The following TAF1 variants were observed in gnomAD, a reference collection of about 807,000 sequenced individuals.
The protein encoded by TAF1 is TATA-box binding protein associated factor 1.
Under a neutral mutation model 138.5 loss-of-function variants are expected in TAF1, and 2 were observed. The observed-to-expected ratio is 0.01, with a 90% CI of 0.01 to 0.05. TAF1 has a LOEUF of 0.05. Among genes scored for constraint, TAF1 ranks in the 10% least tolerant of loss-of-function variants. TAF1 has a pLI of 1.00. For synonymous variants in TAF1, 437 were observed against 503.2 expected (o/e 0.87, Z 1.76); for missense variants, 709 against 1,478.0 (o/e 0.48, Z 8.53).
At chrX:71,525,913 C>T (rs1462645781) in intron 13 of TAF1, among the ~76,000 whole-genome samples, 2 of 108,948 alleles carry the variant, frequency 1.8e-5, no homozygotes, top group Non-Finnish European at 3.8e-5. Context: ...GATCCTCCCA[C>T]TTTGGCCTCC....
At chrX:71,491,210 G>A (rs1008825290) in intron 13 of TAF1, 3 of 110,587 alleles carry the variant, frequency 2.7e-5, no homozygotes, top group Non-Finnish European at 5.7e-5. Context: ...AAGAAGCCTG[G>A]AGCAGGCTGT....
intron 28 of TAF1, chrX:71,420,249 C>T (rs1206591215): frequency 4.6e-5 from 41 of 891,134 alleles, no homozygotes; most frequent in Non-Finnish European, 6.7e-5. Context: ...GATTCCTGGT[C>T]TGTTGGTTCA....
chrX:71,508,419 G>A (rs2039670402), intron 13 of TAF1, among the ~76,000 whole-genome samples: 1 of 107,185 alleles, frequency 9.3e-6, no homozygotes, highest in Non-Finnish European at 1.9e-5. Flanking sequence ...ACAAGACCCT[G>A]TCTCTACAAA....
intron 32 of TAF1, among the ~76,000 whole-genome samples, chrX:71,428,583 C>A (rs1236359976): frequency 9.0e-6 from 1 of 111,646 alleles, no homozygotes; most frequent in Non-Finnish European, 1.9e-5. Flanking sequence ...AAGTACTTAC[C>A]ATGTGGTAAG....
chrX:71,400,401 A>G (rs2058213911), intron 24 of TAF1, among the ~76,000 whole-genome samples: 1 of 112,285 alleles, frequency 8.9e-6, no homozygotes, highest in African/African-American at 3.2e-5. Context: ...CAAGTTTGGT[A>G]GGTTTTTTAA....
intron 25 of TAF1, 53 bp from the exon 26 acceptor site, chrX:71,406,585 C>T (rs2035484060): frequency 1.8e-6 from 2 of 1,103,615 alleles, no homozygotes; most frequent in South Asian, 4.1e-5. Context: ...GCTTTTTTTC[C>T]CCCTGGGAAC....
Position 71,458,476 on chromosome X carries a change from C to G in TAF1, c.5064+110C>G, listed in dbSNP as rs941070965. The G allele has an allele frequency of 4.9e-6, 5 of 1,024,593 alleles. No homozygotes were observed. The South Asian group carries it at 1.0e-4, about 21-fold the overall frequency. 84.4% of individuals were successfully genotyped at this position (1,024,593 alleles called of 1,213,427 possible). Reference sequence around the variant, plus strand: ...GACATATGTCAAGAATGACTGGGCCCTTTGGCCCTGGGAATGAAAGCTTAG... The same window carrying G: ...GACATATGTCAAGAATGACTGGGCCGTTTGGCCCTGGGAATGAAAGCTTAG... On this transcript the variant is annotated intron_variant, in intron 35 of 37. Transcript: ENST00000423759.
intron 13 of TAF1, among the ~76,000 whole-genome samples, chrX:71,519,635 T>C (rs1022352928): frequency 2.8e-5 from 3 of 107,101 alleles, no homozygotes; most frequent in Non-Finnish European, 3.8e-5. Context: ...AGAGCGAGAC[T>C]CCATCTCAAA....
chrX:71,517,761 T>C (rs1310065769), intron 13 of TAF1, among the ~76,000 whole-genome samples: 1 of 112,051 alleles, frequency 8.9e-6, no homozygotes, highest in Non-Finnish European at 1.9e-5. Flanking sequence ...AATGTGTGTG[T>C]ATGTGTAGGG....
chrX:71,481,050 G>A (rs181344197), intron 13 of TAF1, among the ~76,000 whole-genome samples: 88 of 112,285 alleles, frequency 7.8e-4, no homozygotes, highest in African/African-American at 2.6e-3. Flanking sequence ...AGGCCGAGGC[G>A]GGCGGATCAC....
intron 1 of TAF1, among the ~76,000 whole-genome samples, chrX:71,367,053 C>T (rs954361215): frequency 4.5e-5 from 5 of 112,119 alleles, no homozygotes; most frequent in Non-Finnish European, 9.4e-5. Flanking sequence ...TGAAACTACC[C>T]TGCCTTCACT....
intron 14 of TAF1, among the ~76,000 whole-genome samples, chrX:71,385,833 C>T (rs936536307): frequency 1.8e-5 from 2 of 111,975 alleles, no homozygotes; most frequent in Non-Finnish European, 3.8e-5. Flanking sequence ...CCAATTCAGC[C>T]TCTTCTTTTG....
Position 71,377,605 on chromosome X carries a change from G to T in TAF1, c.717G>T (p.Val239=). The change falls in exon 6 of 38, where the codon GTG becomes GTT. Residue 239 remains valine (V), a splice_region_variant and synonymous_variant. Transcript: ENST00000423759. ...TAGTAATGTATTCTGTGTTCTAGGT[G>T]TTACGTTTTCTACGTCTTTTTGGAC... ...ELFPEFRPGK[V]LRFLRLFGPG... is the part of the protein sequence containing the mutation. 8.3e-7 allele frequency: 1 copy of T among 1,210,805 alleles called. No individual in the cohort carries two copies. Among genetic ancestry groups the T allele is most frequent in the Non-Finnish European group, 1.1e-6 (1 of 895,206 alleles).
chrX:71,398,164 C>T (rs767541289), intron 23 of TAF1, among the ~76,000 whole-genome samples: 208 of 110,311 alleles, frequency 1.9e-3, no homozygotes, highest in African/African-American at 6.2e-3. Flanking sequence ...ATGGTGAAAC[C>T]CTGTCTCTAC....
rs201605104 is a variant in TAF1 at position 71,377,785 on chromosome X, A to C, written c.897A>C (p.Pro299=). 5.0e-6 allele frequency: 6 copies of C among 1,209,093 alleles called. No homozygotes were observed. The East Asian group carries it at 8.9e-5, about 18-fold the overall frequency. Residue 299 remains proline (P), a synonymous_variant, in exon 6 of 38, where the codon CCA becomes CCC. Coordinates refer to ENST00000423759, the MANE Select transcript of TAF1 (RefSeq NM_004606.5). Reference sequence around the variant, plus strand: ...CTTTGTGGAACTACGACTACGCTCCACCACCACCTCCAGAGCAGTGTCTCT... The same window carrying C: ...CTTTGTGGAACTACGACTACGCTCCCCCACCACCTCCAGAGCAGTGTCTCT... ...QKSLWNYDYA[P]PPPPEQCLSD...
At chrX:71,423,550 G>A (rs2036458056) in intron 30 of TAF1, among the ~76,000 whole-genome samples, 1 of 110,928 alleles carries the variant, frequency 9.0e-6, no homozygotes, top group African/African-American at 3.3e-5. Flanking sequence ...GCGAATGTGA[G>A]GCTTTTGATT....
intron 13 of TAF1, among the ~76,000 whole-genome samples, chrX:71,487,317 ATTTTTTTTTTT>A (rs60691914): frequency 1.8e-5 from 1 of 55,025 alleles, no homozygotes; most frequent in East Asian, 5.5e-4. Flanking sequence ...TAATGTATGT[ATTTTTTTTTTT>A]TTTTTTTTTT....
intron 3 of TAF1, among the ~76,000 whole-genome samples, chrX:71,373,872 A>G (rs2033275552): frequency 9.0e-6 from 1 of 110,510 alleles, no homozygotes; most frequent in African/African-American, 3.3e-5. Flanking sequence ...TGACAGATAG[A>G]AAAAGTGTGT....
chrX:71,454,952 C>T, intron 34 of TAF1, 95 bp downstream of exon 34: 4 of 1,178,772 alleles, frequency 3.4e-6, no homozygotes, highest in Non-Finnish European at 4.6e-6. Context: ...AGATACCATT[C>T]TTCTCTGTCC....
Sources: gnomAD v4.1 joint callset for allele counts (sites outside exome capture counted in the v4.1 genomes callset) on GRCh38, gnomAD v4.1.1 for gene constraint, MANE v1.5 for transcripts, NCBI Gene and HGNC (gene_info 2026-07-23, HGNC 2026-07-21) for gene names.